PCA3: variants seen among roughly 807,000 people sequenced by gnomAD.
PCA3 encodes the protein prostate cancer associated 3, also known as Differential Display code 3.
intron 2 of PCA3, among the ~76,000 whole-genome samples, chr9:76,780,523 T>TA (rs201425099): frequency 2.0e-3 from 296 of 150,638 alleles, no homozygotes; most frequent in African/African-American, 5.6e-3. Context: ...CTGTTTCTAA[T>TA]AAAAAAAAAT....
rs145876701 is a variant in PCA3, at chr9:76,772,016, C to T, written n.852+35401C>T. ...ACAGCAAATTTGCCTATACGAAGTC[C>T]GAGAGCAGAGTATGTGGCTCCACAC... On this transcript the variant is annotated intron_variant and non_coding_transcript_variant, in intron 2 of 5. Coordinates refer to ENST00000644657, the Ensembl canonical transcript of PCA3. 1.1e-4 allele frequency among the ~76,000 whole-genome samples: 17 copies of T among 152,286 alleles called. No individual in the cohort carries two copies. The South Asian group carries it at 1.5e-3, about 13-fold the overall frequency.
intron 2 of PCA3, among the ~76,000 whole-genome samples, chr9:76,765,543 G>C (rs1431831227): frequency 1.3e-5 from 2 of 152,146 alleles, no homozygotes; most frequent in Non-Finnish European, 2.9e-5. Context: ...TTAGCACACT[G>C]TCTGATGGGG....
intron 2 of PCA3, among the ~76,000 whole-genome samples, chr9:76,781,867 G>GAGTC (rs2054441865): frequency 6.6e-6 from 1 of 152,152 alleles, no homozygotes; most frequent in Non-Finnish European, 1.5e-5. Flanking sequence ...AAAATGAATG[G>GAGTC]AGATGTTGGA....
At chr9:76,766,194 A>C (rs921290227) in intron 2 of PCA3, among the ~76,000 whole-genome samples, 4 of 151,826 alleles carry the variant, frequency 2.6e-5, no homozygotes, top group Admixed American at 6.6e-5. Flanking sequence ...AAAAAAAAAA[A>C]AAAACTCTTT....
At chr9:76,778,122 C>T (rs2131127294) in intron 2 of PCA3, among the ~76,000 whole-genome samples, 1 of 152,276 alleles carries the variant, frequency 6.6e-6, no homozygotes, top group African/African-American at 2.4e-5. Context: ...GGGTCCCAGC[C>T]TAGAGTGATT....
At chr9:76,768,341 C>T (rs1249881756) in intron 2 of PCA3, among the ~76,000 whole-genome samples, 9 of 152,058 alleles carry the variant, frequency 5.9e-5, no homozygotes, top group East Asian at 3.9e-4. Flanking sequence ...TACAGGCCTG[C>T]GCCACTGTGC....
chr9:76,777,175 C>A (rs2053898037), intron 2 of PCA3, among the ~76,000 whole-genome samples: 1 of 152,058 alleles, frequency 6.6e-6, no homozygotes, highest in African/African-American at 2.4e-5. Flanking sequence ...AATGCAATGA[C>A]CCAAAGCATG....
At chr9:76,770,258 T>G in intron 2 of PCA3, among the ~76,000 whole-genome samples, 2 of 152,286 alleles carry the variant, frequency 1.3e-5, no homozygotes, top group South Asian at 4.1e-4. Context: ...GTGTTTATTT[T>G]AGTTTCAACA....
chr9:76,770,502 T>C (rs1031164416), intron 2 of PCA3, among the ~76,000 whole-genome samples: 3 of 152,328 alleles, frequency 2.0e-5, no homozygotes, highest in Admixed American at 6.5e-5. Flanking sequence ...TGAAATGTTA[T>C]CCTTTCATGA....
chr9:76,774,822 G>A (rs1025350798), intron 2 of PCA3, among the ~76,000 whole-genome samples: 1 of 152,196 alleles, frequency 6.6e-6, no homozygotes, highest in Non-Finnish European at 1.5e-5. Context: ...AAACAGGGGA[G>A]CTTTAGCACC....
At position 76,768,597 on chromosome 9, in the gene PCA3, G is replaced by GTGTC. The variant is rs1018269832; in HGVS notation, n.852+31985_852+31986insCTGT. ...TATGTATATGTATGTGTGTGTGTGTGTGTGTGTGTGTGTGTGTGTGTGTGT... is the reference window on the plus strand; with the variant it reads ...TATGTATATGTATGTGTGTGTGTGTGTGTCTGTGTGTGTGTGTGTGTGTGTGTGT... On this transcript the variant is annotated intron_variant and non_coding_transcript_variant, in intron 2 of 5. Coordinates refer to ENST00000644657, the Ensembl canonical transcript of PCA3. Among the ~76,000 whole-genome samples, 803 of 148,620 alleles carry GTGTC rather than the reference G, an allele frequency of 5.4e-3. 9 individuals are homozygous for GTGTC. The highest frequency in any genetic ancestry group is 0.02 in the African/African-American group (771 of 38,670).
At chr9:76,780,245 T>A (rs896822043) in intron 2 of PCA3, among the ~76,000 whole-genome samples, 2 of 152,262 alleles carry the variant, frequency 1.3e-5, no homozygotes, top group African/African-American at 4.8e-5. Context: ...GCCAGTAAAC[T>A]CATAATGAAG....
chr9:76,765,007 A>G (rs906417850), intron 2 of PCA3, among the ~76,000 whole-genome samples: 50 of 152,234 alleles, frequency 3.3e-4, no homozygotes, highest in Non-Finnish European at 7.3e-5. Flanking sequence ...GGTTCTGTTT[A>G]GCACATGTTA....
At chr9:76,771,631 A>G (rs899986591) in intron 2 of PCA3, among the ~76,000 whole-genome samples, 1 of 152,248 alleles carries the variant, frequency 6.6e-6, no homozygotes, top group Non-Finnish European at 1.5e-5. Flanking sequence ...CAAATTGTAC[A>G]CATCAAAGCA....
At chr9:76,780,519 C>T (rs1194860273) in intron 2 of PCA3, among the ~76,000 whole-genome samples, 1 of 151,758 alleles carries the variant, frequency 6.6e-6, no homozygotes, top group Non-Finnish European at 1.5e-5. Context: ...AACCCTGTTT[C>T]TAATAAAAAA....
At chr9:76,776,419 T>C (rs1305044674) in intron 2 of PCA3, among the ~76,000 whole-genome samples, 1 of 152,170 alleles carries the variant, frequency 6.6e-6, no homozygotes, top group African/African-American at 2.4e-5. Context: ...TTATTTCACA[T>C]AGGATAATGA....
chr9:76,787,276 T>G (rs2055083211), intron 2 of PCA3: 1 of 151,376 alleles, frequency 6.6e-6, no homozygotes, highest in Admixed American at 6.6e-5. Context: ...TTATTATTAT[T>G]ATTTTCTTTT....
intron 2 of PCA3, chr9:76,786,460 A>T (rs965455369): frequency 2.0e-5 from 3 of 152,386 alleles, no homozygotes; most frequent in Non-Finnish European, 2.9e-5. Flanking sequence ...AATCAAGGAA[A>T]CCAGTGTCAT....
At chr9:76,787,389 G>T (rs887082119) in intron 2 of PCA3, 2 of 151,772 alleles carry the variant, frequency 1.3e-5, no homozygotes, top group Non-Finnish European at 2.9e-5. Context: ...AGTGATTCGG[G>T]GGGTGGGAGA....
Sources: allele counts gnomAD v4.1 joint callset (sites outside exome capture counted in the v4.1 genomes callset), GRCh38; gene constraint gnomAD v4.1.1; transcripts MANE v1.5; gene names NCBI Gene and HGNC (gene_info 2026-07-23, HGNC 2026-07-21).